DCDC2: variants seen among roughly 807,000 people sequenced by gnomAD.
The protein encoded by DCDC2 is doublecortin domain-containing protein 2.
A neutral mutation model predicts 50.2 loss-of-function variants in DCDC2; 40 were observed. The ratio of observed to expected loss-of-function variants is 0.80; its 90% CI spans 0.62 to 1.04. The LOEUF is 1.04. Ranked by LOEUF, DCDC2 falls within the 50% of genes least tolerant of loss-of-function variation. DCDC2 has a pLI of 0.00. For synonymous variants in DCDC2, 234 were observed against 210.6 expected, an observed-to-expected ratio of 1.11 and a Z score of -0.96; for missense variants, 570 against 581.9, an observed-to-expected ratio of 0.98 and a Z score of 0.21.
chr6:24,362,324 A>ATTTTTTATTTAATTGTATATTTATACAAT (rs1760679328), upstream of DCDC2, among the ~76,000 whole-genome samples: 1 of 145,224 alleles, frequency 6.9e-6, no homozygotes, highest in African/African-American at 2.5e-5. Flanking sequence ...TGATACAATT[A>ATTTTTTATTTAATTGTATATTTATACAAT]TTTTTTATTT....
chr6:24,246,509 T>TG (rs1276971324), intron 7 of DCDC2, among the ~76,000 whole-genome samples: 2 of 107,180 alleles, frequency 1.9e-5, no homozygotes, highest in East Asian at 6.2e-4. Flanking sequence ...TTTTTTGAGA[T>TG]GGAGTCTCGC....
chr6:24,319,775 G>A (rs1581650521), intron 2 of DCDC2, among the ~76,000 whole-genome samples: 1 of 152,134 alleles, frequency 6.6e-6, no homozygotes, highest in South Asian at 2.1e-4. Context: ...TACAGAGAAT[G>A]GACAGGAAAT....
At chr6:24,209,063 A>G (rs775299715) in intron 7 of DCDC2, among the ~76,000 whole-genome samples, 1 of 152,224 alleles carries the variant, frequency 6.6e-6, no homozygotes, top group African/African-American at 2.4e-5. Context: ...CCAAAATACA[A>G]TGGAAAAGAA....
intron 7 of DCDC2, among the ~76,000 whole-genome samples, chr6:24,220,176 T>G (rs1339530046): frequency 6.6e-6 from 1 of 152,218 alleles, no homozygotes; most frequent in African/African-American, 2.4e-5. Context: ...TGAGTTAGCT[T>G]TGTACAGTAT....
At chr6:24,346,553 C>T (rs1436925893) in intron 2 of DCDC2, among the ~76,000 whole-genome samples, 1 of 151,950 alleles carries the variant, frequency 6.6e-6, no homozygotes, top group Admixed American at 6.6e-5. Context: ...GTCAGGAGTT[C>T]GAGACCAGCC....
At chr6:24,231,312 C>T (rs977547120) in intron 7 of DCDC2, among the ~76,000 whole-genome samples, 1 of 152,130 alleles carries the variant, frequency 6.6e-6, no homozygotes, top group Admixed American at 6.5e-5. Context: ...GGACTCTGGC[C>T]CCATCTAGGC....
intron 7 of DCDC2, among the ~76,000 whole-genome samples, chr6:24,277,240 T>G (rs1030496683): frequency 6.9e-5 from 10 of 144,332 alleles, no homozygotes; most frequent in African/African-American, 2.5e-4. Flanking sequence ...GTCCTCTTCC[T>G]GGAACCCCTC....
At chr6:24,352,772 T>C (rs1172964435) in intron 2 of DCDC2, among the ~76,000 whole-genome samples, 1 of 152,156 alleles carries the variant, frequency 6.6e-6, no homozygotes, top group South Asian at 2.1e-4. Flanking sequence ...TGTTGGCCAT[T>C]TCTTCATTGG....
At chr6:24,223,719 C>T (rs1762165220) in intron 7 of DCDC2, among the ~76,000 whole-genome samples, 1 of 152,238 alleles carries the variant, frequency 6.6e-6, no homozygotes. Context: ...GGATAAGGAT[C>T]ATGCCAACCA....
At chr6:24,376,079 A>G in the DCDC2 span, among the ~76,000 whole-genome samples, 1 of 152,218 alleles carries the variant, frequency 6.6e-6, no homozygotes, top group Non-Finnish European at 1.5e-5. Flanking sequence ...AAAAGGAAGT[A>G]GAGAAGTAAA....
At chr6:24,260,446 C>T (rs927932811) in intron 7 of DCDC2, among the ~76,000 whole-genome samples, 1 of 152,138 alleles carries the variant, frequency 6.6e-6, no homozygotes, top group Non-Finnish European at 1.5e-5. Flanking sequence ...TATAAAAATG[C>T]TAAATAACCA....
At chr6:24,230,968 A>C (rs1473206392) in intron 7 of DCDC2, among the ~76,000 whole-genome samples, 4 of 152,236 alleles carry the variant, frequency 2.6e-5, no homozygotes, top group Non-Finnish European at 5.9e-5. Context: ...AATAACAATA[A>C]GGGACAAAGC....
intron 2 of DCDC2, among the ~76,000 whole-genome samples, chr6:24,338,534 G>T (rs1171426397): frequency 2.0e-5 from 3 of 152,150 alleles, no homozygotes; most frequent in Non-Finnish European, 4.4e-5. Context: ...CTCCCATCAT[G>T]AGTGGCACAT....
At chr6:24,330,121 G>A (rs190141250) in intron 2 of DCDC2, among the ~76,000 whole-genome samples, 1 of 152,210 alleles carries the variant, frequency 6.6e-6, no homozygotes, top group Admixed American at 6.5e-5. Context: ...CAGAATTACT[G>A]TACCCCAATT....
intron 8 of DCDC2, among the ~76,000 whole-genome samples, chr6:24,199,382 G>T (rs961386823): frequency 3.9e-5 from 6 of 152,164 alleles, no homozygotes; most frequent in Admixed American, 3.3e-4. Flanking sequence ...GTCTGGGGTG[G>T]ACCTCCAGCA....
chr6:24,291,051 A>C lies in DCDC2; in HGVS notation c.585T>G (p.Val195=). The change falls in exon 5 of 10, where the codon GTT becomes GTG. Residue 195 remains valine, a synonymous_variant. Transcript: ENST00000378454. ...HRLYTLEGKL[V]ESGAELENGQ... ...CATTCTCCAACTCTGCTCCACTCTCAACAAGTTTTCCTTCTAAAGTATAAA... is the reference window on the plus strand; with the variant it reads ...CATTCTCCAACTCTGCTCCACTCTCCACAAGTTTTCCTTCTAAAGTATAAA... 6.2e-7 allele frequency: 1 copy of C among 1,613,446 alleles called. No individual in the cohort carries two copies. Among genetic ancestry groups the C allele is most frequent in the Non-Finnish European group, 8.5e-7 (1 of 1,179,826 alleles).
At chr6:24,371,285 AAAAAAAAAG>A in the DCDC2 span, among the ~76,000 whole-genome samples, 5 of 139,218 alleles carry the variant, frequency 3.6e-5, no homozygotes, top group East Asian at 4.5e-4. Context: ...TCAAAAAAAA[AAAAAAAAAG>A]AAAAGAAAAG....
intron 7 of DCDC2, among the ~76,000 whole-genome samples, chr6:24,241,694 G>A (rs920968552): frequency 2.0e-5 from 3 of 152,186 alleles, no homozygotes; most frequent in African/African-American, 7.2e-5. Context: ...CATTTAGAGA[G>A]TAATCTCAAA....
chr6:24,225,134 A>G (rs1319269794), intron 7 of DCDC2, among the ~76,000 whole-genome samples: 2 of 152,160 alleles, frequency 1.3e-5, no homozygotes, highest in Non-Finnish European at 2.9e-5. Context: ...TCCCATACCC[A>G]GATTTTTATA....
Sources: allele counts gnomAD v4.1 joint callset (sites outside exome capture counted in the v4.1 genomes callset), GRCh38; gene constraint gnomAD v4.1.1; transcripts MANE v1.5; gene names NCBI Gene and HGNC (gene_info 2026-07-23, HGNC 2026-07-21).